The following SYT16 variants were observed in gnomAD, a reference collection of about 807,000 sequenced individuals.
SYT16 encodes the protein synaptotagmin 16.
A neutral mutation model predicts 61.4 loss-of-function variants in SYT16; 42 were observed. The observed-to-expected ratio is 0.68, with a 90% CI of 0.53 to 0.89. SYT16 has a LOEUF of 0.89. SYT16 is among the 40% of genes least tolerant of loss of function. The pLI, the probability that SYT16 is intolerant of heterozygous loss-of-function variation, is 0.00. For synonymous variants in SYT16, 314 were observed against 302.3 expected (o/e 1.04, Z -0.40); for missense variants, 804 against 807.3 (o/e 1.00, Z 0.05).
intron 1 of SYT16, among the ~76,000 whole-genome samples, chr14:61,879,759 A>C (rs2047630607): frequency 6.6e-6 from 1 of 152,192 alleles, no homozygotes; most frequent in Non-Finnish European, 1.5e-5. Flanking sequence ...TAAGCAGTTA[A>C]ATATGTCAGG....
intron 1 of SYT16, among the ~76,000 whole-genome samples, chr14:61,866,503 G>T (rs1245059408): frequency 6.6e-6 from 1 of 151,798 alleles, no homozygotes; most frequent in Non-Finnish European, 1.5e-5. Context: ...GTTTTAATTT[G>T]CATTTTTCCA....
intron 4 of SYT16, among the ~76,000 whole-genome samples, chr14:62,070,375 C>T (rs1206335488): frequency 1.3e-5 from 2 of 152,182 alleles, no homozygotes; most frequent in East Asian, 3.8e-4. Context: ...TGCATCCTTA[C>T]TCTCAGTCCC....
At chr14:61,839,894 GGGAGGGAGGAGGGAAAGA>G (rs2046253190) in intron 1 of SYT16, among the ~76,000 whole-genome samples, 1 of 151,746 alleles carries the variant, frequency 6.6e-6, no homozygotes, top group South Asian at 2.1e-4. Flanking sequence ...AGGGGAAAGG[GGGAGGGAGGAGGGAAAGA>G]GGAGGGGAGG....
intron 1 of SYT16, chr14:61,864,850 C>T (rs1594783644): frequency 9.2e-7 from 1 of 1,086,586 alleles, no homozygotes; most frequent in Non-Finnish European, 1.4e-6. Context: ...GCTATCGCTG[C>T]ATATTCTCCC....
chr14:62,029,453 A>G (rs1363862519), intron 3 of SYT16, among the ~76,000 whole-genome samples: 4 of 152,192 alleles, frequency 2.6e-5, no homozygotes, highest in East Asian at 1.9e-4. Context: ...AGCGGTGCCC[A>G]CTGGTGGTTT....
At chr14:61,919,126 C>T (rs1594913305) in intron 1 of SYT16, among the ~76,000 whole-genome samples, 1 of 152,272 alleles carries the variant, frequency 6.6e-6, no homozygotes, top group East Asian at 1.9e-4. Context: ...TGCTGCAATA[C>T]ATGTGTTCCA....
chr14:62,046,376 G>C (rs2054986363), intron 3 of SYT16, among the ~76,000 whole-genome samples: 1 of 151,936 alleles, frequency 6.6e-6, no homozygotes, highest in African/African-American at 2.4e-5. Context: ...TGAGTAGGTT[G>C]CAAAAATTTT....
chr14:61,880,199 G>T (rs1297239926), intron 1 of SYT16, among the ~76,000 whole-genome samples: 2 of 152,148 alleles, frequency 1.3e-5, no homozygotes, highest in Admixed American at 1.3e-4. Context: ...TGTTGGCTTG[G>T]CATAACCGTG....
intron 1 of SYT16, among the ~76,000 whole-genome samples, chr14:61,828,054 G>C (rs1049828905): frequency 3.3e-5 from 5 of 152,202 alleles, no homozygotes; most frequent in African/African-American, 1.2e-4. Context: ...TAGTGTCATT[G>C]TAAGAAGAGG....
At chr14:62,013,255 T>C (rs1267715709) in intron 3 of SYT16, among the ~76,000 whole-genome samples, 24 of 152,198 alleles carry the variant, frequency 1.6e-4, no homozygotes, top group Admixed American at 1.6e-3. Flanking sequence ...AGCTGGGTTT[T>C]CAAGCCACAT....
intron 1 of SYT16, among the ~76,000 whole-genome samples, chr14:61,860,253 ATTTG>A (rs1419916256): frequency 1.3e-5 from 2 of 152,194 alleles, no homozygotes; most frequent in East Asian, 1.9e-4. Flanking sequence ...TCTAGCCTGT[ATTTG>A]TTTGGGTGTG....
intron 1 of SYT16, among the ~76,000 whole-genome samples, chr14:61,877,471 A>G (rs2047540554): frequency 6.6e-6 from 1 of 152,166 alleles, no homozygotes; most frequent in African/African-American, 2.4e-5. Flanking sequence ...AAAAACACAC[A>G]CCTGAGACTT....
At chr14:61,918,050 G>A (rs976209684) in intron 1 of SYT16, among the ~76,000 whole-genome samples, 1 of 152,120 alleles carries the variant, frequency 6.6e-6, no homozygotes, top group Non-Finnish European at 1.5e-5. Flanking sequence ...AAAGAGTTTT[G>A]AATTTTGGAG....
intron 1 of SYT16, among the ~76,000 whole-genome samples, chr14:61,942,493 A>C (rs2050247854): frequency 1.3e-5 from 2 of 152,184 alleles, no homozygotes; most frequent in South Asian, 4.1e-4. Flanking sequence ...AAATAATGAA[A>C]GTTTAGCTTG....
intron 3 of SYT16, among the ~76,000 whole-genome samples, chr14:62,032,562 A>G (rs565907809): frequency 1.4e-4 from 21 of 152,196 alleles, no homozygotes; most frequent in African/African-American, 4.3e-4. Flanking sequence ...TGAGCTTATA[A>G]AAATGAATTC....
chr14:61,954,675 A>G (rs1369603177), intron 1 of SYT16, among the ~76,000 whole-genome samples: 1 of 152,142 alleles, frequency 6.6e-6, no homozygotes, highest in Non-Finnish European at 1.5e-5. Flanking sequence ...GCATTTGTAT[A>G]TAGGGATGCA....
At chr14:61,922,191 C>G (rs1486125576) in intron 1 of SYT16, among the ~76,000 whole-genome samples, 1 of 152,098 alleles carries the variant, frequency 6.6e-6, no homozygotes, top group Non-Finnish European at 1.5e-5. Context: ...GGTATATACC[C>G]AAAGAAATAG....
At chr14:62,048,857 T>C (rs2140879601) in intron 3 of SYT16, among the ~76,000 whole-genome samples, 1 of 152,344 alleles carries the variant, frequency 6.6e-6, no homozygotes, top group South Asian at 2.1e-4. Flanking sequence ...TTTTATAATT[T>C]CTGTTCTTTA....
chr14:62,059,335 A>G (rs1220907576), intron 3 of SYT16, among the ~76,000 whole-genome samples: 1 of 152,164 alleles, frequency 6.6e-6, no homozygotes, highest in Non-Finnish European at 1.5e-5. Context: ...TCATTTGTTT[A>G]TAGGCCATTT....
Sources: gnomAD v4.1 joint callset for allele counts (sites outside exome capture counted in the v4.1 genomes callset) on GRCh38, gnomAD v4.1.1 for gene constraint, MANE v1.5 for transcripts, NCBI Gene and HGNC (gene_info 2026-07-23, HGNC 2026-07-21) for gene names.